The following PEAK1 variants were observed in gnomAD, a reference collection of about 807,000 sequenced individuals.
PEAK1 encodes pseudopodium enriched atypical kinase 1.
A neutral mutation model predicts 124.7 loss-of-function variants in PEAK1; 54 were observed. That is an observed-to-expected ratio of 0.43 (90% confidence interval 0.35 to 0.54). PEAK1 has a LOEUF of 0.54. Ranked by LOEUF, PEAK1 falls within the 20% of genes least tolerant of loss-of-function variation. The pLI, the probability that PEAK1 is intolerant of heterozygous loss-of-function variation, is 0.01. For synonymous variants in PEAK1, 719 were observed against 760.0 expected, an observed-to-expected ratio of 0.95 and a Z score of 0.89; for missense variants, 2,046 against 2,134.5, an observed-to-expected ratio of 0.96 and a Z score of 0.82.
In PEAK1 at chr15:77,131,176, T is replaced by A. The variant is rs528958358; in HGVS notation, c.4077+1829A>T. On this transcript the variant is annotated intron_variant, in intron 9 of 9. Transcript: ENST00000682557. Reference sequence around the variant, plus strand: ...AGTGGCACAATGGACAAAATACAGCTATGGAGTCAGAAATATTTGTGATTA... The same window carrying A: ...AGTGGCACAATGGACAAAATACAGCAATGGAGTCAGAAATATTTGTGATTA... Among the ~76,000 whole-genome samples, 154 of 152,244 alleles carry A rather than the reference T, an allele frequency of 1.0e-3. 2 individuals carry two copies. Among genetic ancestry groups the A allele is most frequent in the Middle Eastern group, 3.4e-3 (1 of 294 alleles).
chr15:77,249,759 G>C (rs996563919), intron 6 of PEAK1, among the ~76,000 whole-genome samples: 1 of 151,954 alleles, frequency 6.6e-6, no homozygotes, highest in Non-Finnish European at 1.5e-5. Flanking sequence ...CCTGACCTCA[G>C]GTGATCCACC....
intron 7 of PEAK1, among the ~76,000 whole-genome samples, chr15:77,172,185 T>C (rs1173152573): frequency 1.3e-5 from 2 of 152,228 alleles, no homozygotes; most frequent in African/African-American, 4.8e-5. Context: ...CATTGATCTA[T>C]CTTGCAGTTT....
chr15:77,211,314 A>G (rs1006805160), intron 6 of PEAK1, among the ~76,000 whole-genome samples: 2 of 152,204 alleles, frequency 1.3e-5, no homozygotes, highest in Admixed American at 6.5e-5. Flanking sequence ...TTTTAAAATG[A>G]ACTTTCAGCA....
intron 1 of PEAK1, among the ~76,000 whole-genome samples, chr15:77,374,814 T>A (rs954970135): frequency 2.0e-5 from 3 of 152,150 alleles, no homozygotes; most frequent in Non-Finnish European, 4.4e-5. Context: ...TTAAGATCAA[T>A]CTTTAATTTA....
chr15:77,416,546 A>G (rs974769145), intron 1 of PEAK1, among the ~76,000 whole-genome samples: 3 of 152,168 alleles, frequency 2.0e-5, no homozygotes, highest in Admixed American at 2.0e-4. Flanking sequence ...CTACCACAGC[A>G]TAATTTTTTT....
At chr15:77,239,429 T>C (rs777007841) in intron 6 of PEAK1, among the ~76,000 whole-genome samples, 1 of 152,190 alleles carries the variant, frequency 6.6e-6, no homozygotes, top group Non-Finnish European at 1.5e-5. Context: ...CTTACTAAAT[T>C]ATATGACTTT....
chr15:77,375,134 G>A (rs1343283876), intron 1 of PEAK1, among the ~76,000 whole-genome samples: 1 of 152,160 alleles, frequency 6.6e-6, no homozygotes, highest in African/African-American at 2.4e-5. Flanking sequence ...GAAAATGTAA[G>A]TAATAGTTAC....
At chr15:77,226,044 GAT>G (rs1157824212) in intron 6 of PEAK1, among the ~76,000 whole-genome samples, 4,376 of 44,496 alleles carry the variant, frequency 0.098, 71 homozygotes, top group South Asian at 0.14. Flanking sequence ...AAAATAAAGG[GAT>G]ATATATATAT....
rs200555226 is a variant in PEAK1, at chr15:77,319,867, ACT to A, written c.-602-33365_-602-33364del. Among the ~76,000 whole-genome samples, 729 of 152,198 alleles carry A rather than the reference ACT, an allele frequency of 4.8e-3. 4 individuals are homozygous for A. Among genetic ancestry groups the A allele is most frequent in the African/African-American group, 0.016 (676 of 41,514 alleles). On this transcript the variant is annotated intron_variant, in intron 2 of 9. Coordinates refer to ENST00000682557, the MANE Select transcript of PEAK1 (RefSeq NM_001385026.1). ...GCAATATCACTATGGATGATCTTTT[ACT>A]CTTTGTTTACTTTCTTCATTTGCAA...
intron 2 of PEAK1, chr15:77,337,657 C>A: frequency 1.0e-6 from 1 of 985,328 alleles, no homozygotes; most frequent in Non-Finnish European, 1.2e-6. Context: ...AATCTAAAAC[C>A]ATGGCATATG....
intron 5 of PEAK1, among the ~76,000 whole-genome samples, chr15:77,279,354 A>C (rs1226768213): frequency 6.6e-6 from 1 of 152,018 alleles, no homozygotes; most frequent in Non-Finnish European, 1.5e-5. Context: ...TGGAAAAACA[A>C]ATTTGTTTTT....
intron 6 of PEAK1, among the ~76,000 whole-genome samples, chr15:77,182,430 C>T (rs1040095519): frequency 6.6e-6 from 1 of 151,976 alleles, no homozygotes; most frequent in Non-Finnish European, 1.5e-5. Flanking sequence ...ATTTCGTAGA[C>T]TCCTCAAACT....
chr15:77,182,556 A>G (rs534909578), intron 6 of PEAK1, among the ~76,000 whole-genome samples: 2 of 152,156 alleles, frequency 1.3e-5, no homozygotes, highest in African/African-American at 4.8e-5. Context: ...GTTCAAGACC[A>G]GCCTGGCTAA....
At chr15:77,368,285 G>C (rs917381831) in intron 1 of PEAK1, among the ~76,000 whole-genome samples, 6 of 152,104 alleles carry the variant, frequency 3.9e-5, no homozygotes, top group African/African-American at 1.4e-4. Context: ...CGAGGCCAAG[G>C]CGGGCGGATC....
intron 2 of PEAK1, among the ~76,000 whole-genome samples, chr15:77,357,129 C>T (rs902353243): frequency 2.0e-5 from 3 of 152,166 alleles, no homozygotes; most frequent in South Asian, 4.1e-4. Context: ...ACATCAGCAG[C>T]GCATGGTGGC....
chr15:77,394,036 C>A (rs1028749005), intron 1 of PEAK1, among the ~76,000 whole-genome samples: 1 of 152,138 alleles, frequency 6.6e-6, no homozygotes, highest in East Asian at 1.9e-4. Flanking sequence ...GGACAGAATT[C>A]TCTGCTTGTG....
In PEAK1 at chr15:77,180,439, G is replaced by C; in HGVS notation, c.1488C>G (p.Pro496=). 1.2e-6 allele frequency: 2 copies of C among 1,614,092 alleles called. No homozygotes were observed. The highest frequency in any genetic ancestry group is 1.7e-6 in the Non-Finnish European group (2 of 1,180,012). The change falls in exon 7 of 10, where the codon CCC becomes CCG. Residue 496 remains proline, a synonymous_variant. Transcript: ENST00000682557. Reference sequence around the variant, plus strand: ...GAGTAGAGGATGAGCTTTTTGTCTTGGGGCTGTTAACAGGGCCCTCGAGGT... The same window carrying C: ...GAGTAGAGGATGAGCTTTTTGTCTTCGGGCTGTTAACAGGGCCCTCGAGGT... ...SEHLEGPVNS[P]KTKSSSSTPN...
chr15:77,255,489 A>G, intron 5 of PEAK1: 5 of 622,280 alleles, frequency 8.0e-6, no homozygotes, highest in Non-Finnish European at 1.0e-5. Flanking sequence ...ACGTTTTGGG[A>G]AAACATCATG....
At chr15:77,239,659 G>A (rs150887573) in intron 6 of PEAK1, 8 of 188,652 alleles carry the variant, frequency 4.2e-5, no homozygotes, top group African/African-American at 7.1e-5. Context: ...CCCTTCATAC[G>A]TCAAAATCTT....
Sources: gnomAD v4.1 joint callset for allele counts (sites outside exome capture counted in the v4.1 genomes callset) on GRCh38, gnomAD v4.1.1 for gene constraint, MANE v1.5 for transcripts, NCBI Gene and HGNC (gene_info 2026-07-23, HGNC 2026-07-21) for gene names.